The following AK7 variants were observed in gnomAD, a reference collection of about 807,000 sequenced individuals.
The protein encoded by AK7 is adenylate kinase 7, also known as ATP-AMP transphosphorylase 7.
A neutral mutation model predicts 96.6 loss-of-function variants in AK7; 78 were observed. The observed-to-expected ratio is 0.81, with a 90% CI of 0.67 to 0.97. The LOEUF (loss-of-function observed/expected upper bound fraction) is 0.97. Ranked by LOEUF, AK7 falls within the 50% of genes least tolerant of loss-of-function variation. AK7 has a pLI of 0.00. For synonymous variants in AK7, 302 were observed against 317.2 expected (o/e 0.95, Z 0.51); for missense variants, 855 against 887.9 (o/e 0.96, Z 0.47).
chr14:96,396,538 G>A, intron 1 of AK7, among the ~76,000 whole-genome samples: 1 of 152,162 alleles, frequency 6.6e-6, no homozygotes, highest in East Asian at 1.9e-4. Flanking sequence ...CCACTAGGAG[G>A]TTGAAGCTGG....
intron 4 of AK7, among the ~76,000 whole-genome samples, chr14:96,419,792 T>TG (rs1891569913): frequency 6.9e-6 from 1 of 145,546 alleles, no homozygotes; most frequent in Admixed American, 6.9e-5. Context: ...TTCTTTTCTT[T>TG]TTTTTTTTTT....
At chr14:96,394,106 C>G (rs1194208986) in intron 1 of AK7, among the ~76,000 whole-genome samples, 1 of 148,516 alleles carries the variant, frequency 6.7e-6, no homozygotes, top group Non-Finnish European at 1.5e-5. Context: ...GAAACTCCAT[C>G]TCAAAAAAAA....
intron 4 of AK7, 104 bp from the exon 5 acceptor site, chr14:96,420,712 AAGCGGT>A: frequency 1.3e-6 from 1 of 764,792 alleles, no homozygotes; most frequent in East Asian, 2.7e-5. Flanking sequence ...AAAATAAATC[AAGCGGT>A]AGTTTTAAGC....
chr14:96,396,964 G>C (rs1890116318), intron 1 of AK7, among the ~76,000 whole-genome samples: 1 of 152,294 alleles, frequency 6.6e-6, no homozygotes, highest in Admixed American at 6.5e-5. Flanking sequence ...AGGCGTGGTG[G>C]CACACACCTA....
intron 1 of AK7, among the ~76,000 whole-genome samples, chr14:96,393,599 G>A (rs72706811): frequency 0.18 from 27,221 of 151,998 alleles, 2,639 homozygotes; most frequent in Middle Eastern, 0.21. Context: ...TCTTCACATG[G>A]TGTTCTCTCC....
At chr14:96,467,331 C>CT (rs35485071) in intron 12 of AK7, among the ~76,000 whole-genome samples, 50,900 of 144,710 alleles carry the variant, frequency 0.35, 9,118 homozygotes, top group South Asian at 0.42. Flanking sequence ...TTTGCTGCTG[C>CT]TTTTTTTTTT....
intron 4 of AK7, among the ~76,000 whole-genome samples, chr14:96,420,155 T>G (rs548967636): frequency 6.6e-6 from 1 of 150,890 alleles, no homozygotes; most frequent in Non-Finnish European, 1.5e-5. Flanking sequence ...CATGAGCCAC[T>G]GCGCCTGGCC....
intron 12 of AK7, among the ~76,000 whole-genome samples, chr14:96,466,876 G>A (rs942921042): frequency 6.6e-6 from 1 of 152,048 alleles, no homozygotes; most frequent in African/African-American, 2.4e-5. Flanking sequence ...TTAAAATGCT[G>A]GCTTGATTTA....
At chr14:96,431,705 A>G (rs556011826) in intron 5 of AK7, among the ~76,000 whole-genome samples, 2 of 152,134 alleles carry the variant, frequency 1.3e-5, no homozygotes, top group African/African-American at 2.4e-5. Context: ...AATAAGTGCA[A>G]TGTGGTGCTA....
At chr14:96,479,488 C>T (rs755406152) in intron 15 of AK7, among the ~76,000 whole-genome samples, 7 of 151,586 alleles carry the variant, frequency 4.6e-5, no homozygotes, top group Non-Finnish European at 1.0e-4. Flanking sequence ...AATTATTGGG[C>T]ACTGGTGCTC....
intron 15 of AK7, among the ~76,000 whole-genome samples, chr14:96,479,871 A>G (rs771095047): frequency 3.3e-5 from 5 of 152,116 alleles, no homozygotes; most frequent in Admixed American, 1.3e-4. Flanking sequence ...TCTACCCCCA[A>G]CTGCCCAATG....
At position 96,463,314 on chromosome 14, in the gene AK7, T is replaced by C. The variant is rs79837198; in HGVS notation, c.1357+5102T>C. Among the ~76,000 whole-genome samples the C allele has an allele frequency of 6.5e-3, 989 of 152,272 alleles. 11 individuals carry two copies. Among genetic ancestry groups the C allele is most frequent in the African/African-American group, 0.022 (901 of 41,554 alleles). The stretch of plus-strand genomic sequence containing the variant: ...CTTTATTAAACAAGAAGATGAAGAA[T>C]GCACTTGGAAGTCACCAAGCATGGC... On this transcript the variant is annotated intron_variant, in intron 12 of 17. Coordinates refer to ENST00000267584, the MANE Select transcript of AK7 (RefSeq NM_152327.5).
At chr14:96,409,615 T>G (rs567024874) in intron 4 of AK7, among the ~76,000 whole-genome samples, 2 of 152,226 alleles carry the variant, frequency 1.3e-5, no homozygotes, top group African/African-American at 4.8e-5. Context: ...TAAAATATAG[T>G]GATTATAGTA....
intron 15 of AK7, 75 bp from the exon 16 acceptor site, chr14:96,482,924 G>C: frequency 7.0e-7 from 1 of 1,425,640 alleles, no homozygotes. Context: ...CAAGTTTATA[G>C]TAATAAAGAA....
At chr14:96,467,975 G>A (rs544011734) in intron 12 of AK7, among the ~76,000 whole-genome samples, 6 of 148,800 alleles carry the variant, frequency 4.0e-5, no homozygotes, top group African/African-American at 7.4e-5. Flanking sequence ...GGTGGCTCAC[G>A]CCCGTAATCC....
At chr14:96,416,049 C>G (rs1371769735) in intron 4 of AK7, among the ~76,000 whole-genome samples, 2 of 152,024 alleles carry the variant, frequency 1.3e-5, no homozygotes, top group Non-Finnish European at 2.9e-5. Flanking sequence ...CGGAGTCCAC[C>G]AAATGATCCA....
At chr14:96,403,423 C>CAG (rs1890530385) in intron 2 of AK7, among the ~76,000 whole-genome samples, 1 of 152,132 alleles carries the variant, frequency 6.6e-6, no homozygotes, top group South Asian at 2.1e-4. Flanking sequence ...AACAGTGAGA[C>CAG]TTTGGTTGTT....
chr14:96,448,270 C>T (rs1430684372), intron 8 of AK7, among the ~76,000 whole-genome samples: 2 of 152,064 alleles, frequency 1.3e-5, no homozygotes, highest in Non-Finnish European at 2.9e-5. Flanking sequence ...AACAAAATAC[C>T]ATAAACCGAG....
In AK7 at chr14:96,408,953, G is replaced by A. The variant is rs1457435239; in HGVS notation, c.498+12G>A. 1.2e-6 allele frequency: 2 copies of A among 1,612,470 alleles called. No homozygotes were observed. Among genetic ancestry groups the A allele is most frequent in the Admixed American group, 1.7e-5 (1 of 59,940 alleles). On this transcript the variant is annotated intron_variant, in intron 4 of 17. Transcript: ENST00000267584. ...AAGCCCTGGACCCCGTAAGTAGAGC[G>A]TTAGCTTTCCTTTAGGTAACATTTC...
Sources: gnomAD v4.1 joint callset for allele counts (sites outside exome capture counted in the v4.1 genomes callset) on GRCh38, gnomAD v4.1.1 for gene constraint, MANE v1.5 for transcripts, NCBI Gene and HGNC (gene_info 2026-07-23, HGNC 2026-07-21) for gene names.